Variants in ABCF1 observed in about 807,000 individuals in gnomAD.
The protein encoded by ABCF1 is ATP-binding cassette sub-family F member 1.
ABCF1 carries 73 observed loss-of-function variants against 126.3 expected under a neutral mutation model. That is an observed-to-expected ratio of 0.58 (90% CI 0.48 to 0.70). The LOEUF is 0.70. Ranked by LOEUF, ABCF1 falls within the 30% of genes least tolerant of loss-of-function variation. The pLI is 0.00. For synonymous variants in ABCF1, 345 were observed against 396.4 expected (o/e 0.87, Z 1.54); for missense variants, 786 against 1,057.5 (o/e 0.74, Z 3.56).
intron 24 of ABCF1, 78 bp from the exon 25 acceptor site, chr6:30,590,457 G>A: frequency 6.3e-7 from 1 of 1,576,234 alleles, no homozygotes; most frequent in Non-Finnish European, 8.6e-7. Context: ...GAAGGGCCTA[G>A]GACTCCCTTA....
At chr6:30,580,912 G>A (rs1323049913) in intron 8 of ABCF1, among the ~76,000 whole-genome samples, 1 of 151,984 alleles carries the variant, frequency 6.6e-6, no homozygotes, top group Non-Finnish European at 1.5e-5. Flanking sequence ...CTGGGCTCAA[G>A]CAGTCCTCCT....
Position 30,586,232 on chromosome 6 carries a change from C to A in ABCF1, c.1812C>A (p.Arg604=). 1 of 1,614,054 alleles carries A rather than the reference C, an allele frequency of 6.2e-7. No homozygotes were observed. The highest frequency in any genetic ancestry group is 8.5e-7 in the Non-Finnish European group (1 of 1,179,982). The change falls in exon 18 of 25, where the codon CGC becomes CGA. Residue 604 remains arginine, a synonymous_variant. Coordinates refer to ENST00000326195, the MANE Select transcript of ABCF1 (RefSeq NM_001025091.2). The surrounding 1 kb of genome is among the most constrained non-coding windows in gnomAD (Gnocchi z 4.9). ...ESQEAPELLK[R]PKEYTVRFTF... Reference sequence around the variant, plus strand: ...AGGAGGCCCCTGAGCTCCTGAAGCGCCCTAAGGAGTACACTGTGCGCTTCA... The same window carrying A: ...AGGAGGCCCCTGAGCTCCTGAAGCGACCTAAGGAGTACACTGTGCGCTTCA...
At chr6:30,571,823 G>T (rs1258317513) in intron 1 of ABCF1, among the ~76,000 whole-genome samples, 1 of 152,050 alleles carries the variant, frequency 6.6e-6, no homozygotes, top group Non-Finnish European at 1.5e-5. Context: ...AGGGAGAGAT[G>T]GGGAGAAATG....
At position 30,583,983 on chromosome 6, in the gene ABCF1, G is replaced by A; in HGVS notation, c.1102+93G>A. 1 of 1,500,858 alleles carries A rather than the reference G, an allele frequency of 6.7e-7. No individual in the cohort carries two copies. The highest frequency in any genetic ancestry group is 1.8e-5 in the Admixed American group (1 of 54,136). The allele number at this position is 1,500,858 out of a possible 1,614,324, so 93.0% of individuals were successfully genotyped here. ...GAATAGAAGAAATTGTGGCTATGGA[G>A]TTGGAAGGGATGTGGAGGGAGACTG... On this transcript the variant is annotated intron_variant, in intron 12 of 24. Transcript: ENST00000326195. This position sits in a 1 kb window ranked among gnomAD's most constrained non-coding sequence, Gnocchi z 4.1.
chr6:30,574,402 G>A lies in ABCF1; in HGVS notation c.73+2842G>A, dbSNP rs1801395306. 6.6e-6 allele frequency among the ~76,000 whole-genome samples: 1 copy of A among 152,214 alleles called. No individual in the cohort carries two copies. The highest frequency in any genetic ancestry group is 1.5e-5 in the Non-Finnish European group (1 of 68,030). On this transcript the variant is annotated intron_variant, in intron 1 of 24. Coordinates refer to ENST00000326195, the MANE Select transcript of ABCF1 (RefSeq NM_001025091.2). The surrounding 1 kb of genome is among the most constrained non-coding windows in gnomAD (Gnocchi z 4.3). ...GTCCTCCCACCTTGGTCCCCAAAATGTTGGGATTACAGGCGTGAGCCAGTG... is the reference window on the plus strand; with the variant it reads ...GTCCTCCCACCTTGGTCCCCAAAATATTGGGATTACAGGCGTGAGCCAGTG...
Position 30,584,105 on chromosome 6 carries a change from A to T in ABCF1, c.1103-87A>T, listed in dbSNP as rs950752395. ...CAAGTACAAAGAGCTGGGCAGGGTC[A>T]GGCAAAACAGAAATGTAATTGAAGG... On this transcript the variant is annotated intron_variant, in intron 12 of 24. Coordinates refer to ENST00000326195, the MANE Select transcript of ABCF1 (RefSeq NM_001025091.2). The surrounding 1 kb of genome is among the most constrained non-coding windows in gnomAD (Gnocchi z 4.6). 3 of 1,537,908 alleles carry T rather than the reference A, an allele frequency of 2.0e-6. No individual in the cohort carries two copies. In the African/African-American group the frequency reaches 4.1e-5, roughly 21 times the overall value.
rs1354983196 is a variant in ABCF1 at position 30,574,352 on chromosome 6, A to G, written c.73+2792A>G. Reference sequence around the variant, plus strand: ...GAGGTCTTGCTATGTTGCCCAGGCTAATCTTGAACCTCTGGCCTCAACCAG... The same window carrying G: ...GAGGTCTTGCTATGTTGCCCAGGCTGATCTTGAACCTCTGGCCTCAACCAG... On this transcript the variant is annotated intron_variant, in intron 1 of 24. Transcript: ENST00000326195. The surrounding 1 kb of genome is among the most constrained non-coding windows in gnomAD (Gnocchi z 4.3). Among the ~76,000 whole-genome samples, 1 of 152,092 alleles carries G rather than the reference A, an allele frequency of 6.6e-6. No individual in the cohort carries two copies. Among genetic ancestry groups the G allele is most frequent in the East Asian group, 1.9e-4 (1 of 5,196 alleles).
intron 20 of ABCF1, 117 bp from the exon 21 acceptor site, chr6:30,589,571 C>A (rs1204898139): frequency 6.3e-6 from 8 of 1,261,694 alleles, no homozygotes; most frequent in Non-Finnish European, 7.7e-6. Context: ...CCACTGCACT[C>A]CAGCCTGGGG....
chr6:30,588,624 G>A (rs1364061617), intron 20 of ABCF1, among the ~76,000 whole-genome samples: 3 of 152,000 alleles, frequency 2.0e-5, no homozygotes, highest in Non-Finnish European at 4.4e-5. Context: ...CTCCCAGAGT[G>A]CTGGGATTAC....
In ABCF1 at chr6:30,585,588, G is replaced by T. The variant is rs1474717500; in HGVS notation, c.1506G>T (p.Leu502=). Residue 502 remains leucine, a synonymous_variant, in exon 16 of 25, where the codon CTG becomes CTT. Coordinates refer to ENST00000326195, the MANE Select transcript of ABCF1 (RefSeq NM_001025091.2). ...NYLQGWRKTL[L]IVSHDQGFLD... is the part of the protein sequence containing the mutation. Reference sequence around the variant, plus strand: ...TCCAGGGCTGGCGGAAGACCTTGCTGATCGTCTCCCATGACCAGGGCTTCT... The same window carrying T: ...TCCAGGGCTGGCGGAAGACCTTGCTTATCGTCTCCCATGACCAGGGCTTCT... 1 of 1,613,014 alleles carries T rather than the reference G, an allele frequency of 6.2e-7. No homozygotes were observed. The highest frequency in any genetic ancestry group is 1.1e-5 in the South Asian group (1 of 91,078).
At position 30,578,468 on chromosome 6, in the gene ABCF1, A is replaced by C; in HGVS notation, c.382-2A>C. On this transcript the variant is annotated splice_acceptor_variant, in intron 5 of 24. Coordinates refer to ENST00000326195, the MANE Select transcript of ABCF1 (RefSeq NM_001025091.2). LOFTEE classifies it high-confidence loss of function. ...GACTTCTGTGGCCCTTTCATTCTCT[A>C]GGGTGGTAATGTTTTTGCAGCCCTG... 1 of 1,613,930 alleles carries C rather than the reference A, an allele frequency of 6.2e-7. No individual in the cohort carries two copies. Among genetic ancestry groups the C allele is most frequent in the Non-Finnish European group, 8.5e-7 (1 of 1,179,962 alleles).
chr6:30,581,699 G>A (rs546017621), intron 8 of ABCF1, among the ~76,000 whole-genome samples: 54 of 151,938 alleles, frequency 3.6e-4, no homozygotes, highest in Non-Finnish European at 6.6e-4. Context: ...CACCGTGCCC[G>A]GACGGCTACC....
At chr6:30,578,646 C>T in intron 6 of ABCF1, 69 bp downstream of exon 6, 3 of 1,360,734 alleles carry the variant, frequency 2.2e-6, no homozygotes, top group Non-Finnish European at 3.1e-6. Flanking sequence ...GGAGTAATTT[C>T]CCGCTTTTAA....
chr6:30,583,245 C>G lies in ABCF1; in HGVS notation c.915+57C>G. ...TTACCTAGGGAAGAGCCAGTTCTCT[C>G]ATCTTCCCTGAGTGGCTGTGGTGTG... On this transcript the variant is annotated intron_variant, in intron 10 of 24. Transcript: ENST00000326195. This position sits in a 1 kb window ranked among gnomAD's most constrained non-coding sequence, Gnocchi z 4.1. 2 of 1,561,228 alleles carry G rather than the reference C, an allele frequency of 1.3e-6. No homozygotes were observed. Among genetic ancestry groups the G allele is most frequent in the Non-Finnish European group, 8.7e-7 (1 of 1,147,536 alleles).
rs1201201166 is a variant in ABCF1 at position 30,589,732 on chromosome 6, T to C, written c.2064+12T>C. The C allele has an allele frequency of 1.2e-6, 2 of 1,614,048 alleles. No homozygotes were observed. The highest frequency in any genetic ancestry group is 1.3e-5 in the African/African-American group (1 of 75,020). On this transcript the variant is annotated intron_variant, in intron 21 of 24. Coordinates refer to ENST00000326195, the MANE Select transcript of ABCF1 (RefSeq NM_001025091.2). ...AGAACCACCGGCTGGTAAGTTGGCATTGGGATTTAGGGAATGATAATCTGA... is the reference window on the plus strand; with the variant it reads ...AGAACCACCGGCTGGTAAGTTGGCACTGGGATTTAGGGAATGATAATCTGA...
Position 30,578,390 on chromosome 6 carries a change from G to A in ABCF1, c.381+5G>A. 1 of 1,614,106 alleles carries A rather than the reference G, an allele frequency of 6.2e-7. No individual in the cohort carries two copies. Among genetic ancestry groups the A allele is most frequent in the Non-Finnish European group, 8.5e-7 (1 of 1,180,012 alleles). ...CGCGGAGGGAAGAAAACCAAGGTAAGCCATCTGTGTGGTAAACGGAGACTC... is the reference window on the plus strand; with the variant it reads ...CGCGGAGGGAAGAAAACCAAGGTAAACCATCTGTGTGGTAAACGGAGACTC... On this transcript the variant is annotated splice_donor_5th_base_variant and intron_variant, in intron 5 of 24. Coordinates refer to ENST00000326195, the MANE Select transcript of ABCF1 (RefSeq NM_001025091.2).
intron 1 of ABCF1, among the ~76,000 whole-genome samples, chr6:30,575,459 T>G (rs1257253667): frequency 6.6e-6 from 1 of 151,432 alleles, no homozygotes; most frequent in Admixed American, 6.6e-5. Flanking sequence ...GAGAAGATAA[T>G]AAATAGGCCT....
Position 30,586,647 on chromosome 6 carries a change from T to C in ABCF1, c.1967T>C (p.Ile656Thr), listed in dbSNP as rs777918324. ...CCTGTCTTCCATCTTGCAGTTTGCA[T>C]TGTGGGCCCTAATGGTGTGGGGAAG... ...FGIDMDSRIC[I>T]VGPNGVGKST... Residue 656 changes from isoleucine (I) to threonine (T), a missense_variant, in exon 20 of 25, where the codon ATT becomes ACT. By Grantham distance (89) the Ile-to-Thr change is moderately conservative. This residue lies in a region of ABCF1 where 288 missense variants were observed against 423.5 expected (regional missense o/e 0.68). Coordinates refer to ENST00000326195, the MANE Select transcript of ABCF1 (RefSeq NM_001025091.2). This position sits in a 1 kb window ranked among gnomAD's most constrained non-coding sequence, Gnocchi z 4.9. 2.5e-6 allele frequency: 4 copies of C among 1,613,616 alleles called. No individual in the cohort carries two copies. Among genetic ancestry groups the C allele is most frequent in the South Asian group, 1.1e-5 (1 of 91,074 alleles).
chr6:30,589,475 C>A (rs1802324007), intron 20 of ABCF1: 2 of 598,158 alleles, frequency 3.3e-6, no homozygotes, highest in African/African-American at 3.7e-5. Flanking sequence ...TGGTGGCAGG[C>A]ACCTGTATTC....
Sources: gnomAD v4.1 joint callset for allele counts (sites outside exome capture counted in the v4.1 genomes callset) on GRCh38, gnomAD v4.1.1 for gene constraint, gnomAD v4.1.1 regional missense constraint, Gnocchi (gnomAD v3.1) non-coding constraint, MANE v1.5 for transcripts, NCBI Gene and HGNC (gene_info 2026-07-23, HGNC 2026-07-21) for gene names.